The following CAB39 variants were observed in gnomAD, a reference collection of about 807,000 sequenced individuals.
CAB39 encodes calcium binding protein 39.
A neutral mutation model predicts 40.0 loss-of-function variants in CAB39; 8 were observed. The observed-to-expected ratio is 0.20, with a 90% confidence interval of 0.12 to 0.36. The LOEUF is 0.36. Among genes scored for constraint, CAB39 ranks in the 10% least tolerant of loss-of-function variants. The probability of loss-of-function intolerance (pLI) is 1.00; values close to 1 mark genes in which losing one functional copy is unlikely to be tolerated. For synonymous variants in CAB39, 156 were observed against 141.6 expected (o/e 1.10, Z -0.72); for missense variants, 270 against 401.1 (o/e 0.67, Z 2.79).
intron 2 of CAB39, among the ~76,000 whole-genome samples, chr2:230,781,707 G>T (rs1188247915): frequency 2.6e-5 from 4 of 152,152 alleles, no homozygotes; most frequent in African/African-American, 7.2e-5. Flanking sequence ...CCAATGGGGT[G>T]GTAGGAGATG....
In CAB39 at chr2:230,801,828, C is replaced by T. The variant is rs577823424; in HGVS notation, c.567+2931C>T. Among the ~76,000 whole-genome samples, 13 of 151,752 alleles carry T rather than the reference C, an allele frequency of 8.6e-5. No individual in the cohort carries two copies. The East Asian group carries it at 2.3e-3, about 27-fold the overall frequency. ...AGGTTGCAGTGAGCCGAGATCACTC[C>T]ACTGCACTCCACCCTGGGCGACGGA... On this transcript the variant is annotated intron_variant, in intron 5 of 8. Transcript: ENST00000258418.
At chr2:230,762,588 A>G (rs1354555373) in intron 2 of CAB39, among the ~76,000 whole-genome samples, 1 of 152,264 alleles carries the variant, frequency 6.6e-6, no homozygotes. Context: ...AACTGCCCTC[A>G]GTGGCTATTC....
At chr2:230,816,759 C>G (rs1354033398) in intron 7 of CAB39, among the ~76,000 whole-genome samples, 2 of 152,214 alleles carry the variant, frequency 1.3e-5, no homozygotes, top group Admixed American at 1.3e-4. Context: ...ACTGCACTCT[C>G]CTGAGAGAGA....
chr2:230,787,383 C>A (rs1695812163), intron 2 of CAB39, among the ~76,000 whole-genome samples: 1 of 152,116 alleles, frequency 6.6e-6, no homozygotes, highest in African/African-American at 2.4e-5. Context: ...ATGAGATTTT[C>A]ATATGTATGT....
chr2:230,723,070 A>G (rs1288613879), intron 1 of CAB39, among the ~76,000 whole-genome samples: 1 of 152,214 alleles, frequency 6.6e-6, no homozygotes, highest in Non-Finnish European at 1.5e-5. Context: ...CTTTATAAGC[A>G]TGTAATTAAA....
At chr2:230,764,341 T>A (rs1174924853) in intron 2 of CAB39, among the ~76,000 whole-genome samples, 1 of 152,234 alleles carries the variant, frequency 6.6e-6, no homozygotes, top group East Asian at 1.9e-4. Context: ...ATTTTGCCCA[T>A]GATAGGCTAT....
At chr2:230,774,687 G>A (rs888119975) in intron 2 of CAB39, among the ~76,000 whole-genome samples, 6 of 152,162 alleles carry the variant, frequency 3.9e-5, no homozygotes, top group Non-Finnish European at 7.4e-5. Context: ...GAGTAAGTTT[G>A]CTGACATATT....
intron 1 of CAB39, among the ~76,000 whole-genome samples, chr2:230,721,086 A>G (rs1694443857): frequency 6.6e-6 from 1 of 152,182 alleles, no homozygotes; most frequent in Non-Finnish European, 1.5e-5. Flanking sequence ...TCAGAGTATA[A>G]TAATACGTTC....
intron 1 of CAB39, chr2:230,713,903 G>A (rs926551170): frequency 1.3e-5 from 2 of 152,340 alleles, no homozygotes; most frequent in African/African-American, 4.8e-5. Flanking sequence ...GAGGTGATAA[G>A]TCCTGTGAAA....
chr2:230,773,062 G>A (rs1202239583), intron 2 of CAB39, among the ~76,000 whole-genome samples: 1 of 149,090 alleles, frequency 6.7e-6, no homozygotes, highest in Non-Finnish European at 1.5e-5. Context: ...AACAAAAGAA[G>A]CCAGACTATA....
intron 5 of CAB39, among the ~76,000 whole-genome samples, chr2:230,807,414 C>CA (rs762829142): frequency 1.3e-5 from 2 of 150,634 alleles, no homozygotes; most frequent in African/African-American, 2.5e-5. Flanking sequence ...TTTTACCCCC[C>CA]CAACCCCCCA....
intron 1 of CAB39, among the ~76,000 whole-genome samples, chr2:230,741,802 A>G (rs549576924): frequency 1.3e-5 from 2 of 152,384 alleles, no homozygotes; most frequent in Admixed American, 6.5e-5. Flanking sequence ...GTATTTAGAT[A>G]TAGTTACCAT....
At chr2:230,777,143 G>T (rs1293296243) in intron 2 of CAB39, among the ~76,000 whole-genome samples, 1 of 71,340 alleles carries the variant, frequency 1.4e-5, no homozygotes, top group Non-Finnish European at 2.5e-5. Context: ...ATGTTCTAAT[G>T]ATGTATATGA....
chr2:230,756,637 A>G (rs1695195235), intron 1 of CAB39, among the ~76,000 whole-genome samples: 1 of 152,096 alleles, frequency 6.6e-6, no homozygotes, highest in South Asian at 2.1e-4. Flanking sequence ...CTTTAAAAAT[A>G]AAGAGGATAG....
At chr2:230,801,155 T>A (rs900977467) in intron 5 of CAB39, among the ~76,000 whole-genome samples, 3 of 151,980 alleles carry the variant, frequency 2.0e-5, no homozygotes, top group Non-Finnish European at 4.4e-5. Flanking sequence ...AAAAGAGGGT[T>A]CTCCAAGAAA....
chr2:230,772,393 T>C (rs777139038), intron 2 of CAB39, among the ~76,000 whole-genome samples: 1 of 152,232 alleles, frequency 6.6e-6, no homozygotes, highest in African/African-American at 2.4e-5. Context: ...ATGGAAAATA[T>C]TGACTATACC....
intron 3 of CAB39, among the ~76,000 whole-genome samples, chr2:230,791,815 A>G (rs1695897488): frequency 6.6e-6 from 1 of 152,232 alleles, no homozygotes; most frequent in Non-Finnish European, 1.5e-5. Context: ...AGTGGATTTA[A>G]CAGTGAGAAT....
intron 1 of CAB39, chr2:230,725,161 C>T (rs1694540395): frequency 6.2e-7 from 1 of 1,613,364 alleles, no homozygotes; most frequent in Non-Finnish European, 8.5e-7. Flanking sequence ...AGGCGTCGCA[C>T]CACTCTCGAA....
intron 5 of CAB39, among the ~76,000 whole-genome samples, chr2:230,803,625 C>G (rs59285462): frequency 0.055 from 8,388 of 152,120 alleles, 793 homozygotes; most frequent in African/African-American, 0.19. Flanking sequence ...GACAGAGAGC[C>G]AAATCATGAC....
Sources: allele counts gnomAD v4.1 joint callset (sites outside exome capture counted in the v4.1 genomes callset), GRCh38; gene constraint gnomAD v4.1.1; transcripts MANE v1.5; gene names NCBI Gene and HGNC (gene_info 2026-07-23, HGNC 2026-07-21).